Variants in BCL2L13 observed in about 807,000 individuals in gnomAD.
BCL2L13 encodes bcl-2-like protein 13.
In BCL2L13, 13 loss-of-function variants were observed where a neutral mutation model predicts 25.8. That is an observed-to-expected ratio of 0.50 (90% CI 0.33 to 0.80). The LOEUF (loss-of-function observed/expected upper bound fraction) is 0.80, where lower values mean the gene tolerates loss of function less well. Among genes scored for constraint, BCL2L13 ranks in the 30% least tolerant of loss-of-function variants. The pLI, the probability that BCL2L13 is intolerant of heterozygous loss-of-function variation, is 0.02. For missense variants in BCL2L13, 504 were observed against 574.9 expected (o/e 0.88, Z 1.26); for synonymous variants, 244 against 230.3 (o/e 1.06, Z -0.54).
At chr22:17,646,713 TG>T (rs1462837222) in intron 1 of BCL2L13, among the ~76,000 whole-genome samples, 4 of 99,534 alleles carry the variant, frequency 4.0e-5, no homozygotes, top group Non-Finnish European at 7.4e-5. Context: ...TTGAAATATC[TG>T]TCTTTTTTTT....
intron 1 of BCL2L13, among the ~76,000 whole-genome samples, chr22:17,651,444 C>A (rs529852114): frequency 3.7e-4 from 56 of 149,614 alleles, no homozygotes; most frequent in Non-Finnish European, 8.9e-5. Context: ...GTGCAATGAC[C>A]GATCTCAGCT....
chr22:17,727,139 C>T lies in BCL2L13; in HGVS notation c.1063C>T (p.Leu355=), dbSNP rs765836010. 6 of 1,614,112 alleles carry T rather than the reference C, an allele frequency of 3.7e-6. No individual in the cohort carries two copies. The highest frequency in any genetic ancestry group is 3.3e-5 in the Admixed American group (2 of 60,014). ...TCCACATATCACTGCCACCTCCCTG[C>T]TGGGGACAAGGGAACCTGACACAGA... ...LLPHITATSL[L]GTREPDTEVI... The change falls in exon 7 of 7, where the codon CTG becomes TTG. Residue 355 remains leucine, a synonymous_variant. Coordinates refer to ENST00000317582, the MANE Select transcript of BCL2L13 (RefSeq NM_015367.4).
rs2060464882 is a variant in BCL2L13 at position 17,702,398 on chromosome 22, T to TA, written c.600+13dup. 1 of 1,535,482 alleles carries TA rather than the reference T, an allele frequency of 6.5e-7. No homozygotes were observed. ...AGCAAGGTGGCTGGGTATGAGCTGT[T>TA]ATATATTAAAAATATTTTCTTGAAA... On this transcript the variant is annotated intron_variant, in intron 6 of 6. Coordinates refer to ENST00000317582, the MANE Select transcript of BCL2L13 (RefSeq NM_015367.4).
At chr22:17,635,893 TAG>T (rs2058095861), upstream of BCL2L13, among the ~76,000 whole-genome samples, 1 of 151,250 alleles carries the variant, frequency 6.6e-6, no homozygotes, top group Non-Finnish European at 1.5e-5. Context: ...GTATTTTTAG[TAG>T]AGACGGGGTT....
At chr22:17,697,438 C>CA (rs1036003935) in intron 5 of BCL2L13, among the ~76,000 whole-genome samples, 168 of 149,536 alleles carry the variant, frequency 1.1e-3, no homozygotes, top group African/African-American at 3.9e-3. Flanking sequence ...AACTCCGTCT[C>CA]AAAAAAAAAT....
chr22:17,685,016 T>A (rs990931651), intron 3 of BCL2L13, among the ~76,000 whole-genome samples: 1 of 152,110 alleles, frequency 6.6e-6, no homozygotes, highest in Non-Finnish European at 1.5e-5. Context: ...ATTACAGGCA[T>A]GAGCCACCAC....
rs557661808 is a variant in BCL2L13 at position 17,676,220 on chromosome 22, G to A, written c.122-6994G>A. 1.1e-4 allele frequency among the ~76,000 whole-genome samples: 17 copies of A among 152,226 alleles called. No individual in the cohort carries two copies. The South Asian group carries it at 2.3e-3, about 20-fold the overall frequency. ...CTCACGCCTGTAATCCCAGCACTTC[G>A]GGAGGCTGAGGCAGGCGGATCACTT... On this transcript the variant is annotated intron_variant, in intron 2 of 6. Transcript: ENST00000317582.
chr22:17,638,616 G>T (rs1268893203), upstream of BCL2L13: 1 of 1,167,330 alleles, frequency 8.6e-7, no homozygotes, highest in East Asian at 3.2e-5. Context: ...GGAGGGTTTG[G>T]GTCTTCAGGT....
At chr22:17,716,846 G>T (rs1420698805) in intron 6 of BCL2L13, among the ~76,000 whole-genome samples, 2 of 152,172 alleles carry the variant, frequency 1.3e-5, no homozygotes, top group African/African-American at 4.8e-5. Flanking sequence ...TGTAAGAGGT[G>T]CCATATTGTG....
intron 2 of BCL2L13, among the ~76,000 whole-genome samples, chr22:17,673,255 C>G (rs78611006): frequency 0.027 from 4,036 of 152,080 alleles, 180 homozygotes; most frequent in African/African-American, 0.093. Flanking sequence ...GTATCTCCAT[C>G]GTGACTCATC....
At chr22:17,667,339 T>G (rs933227607) in intron 2 of BCL2L13, among the ~76,000 whole-genome samples, 2 of 151,988 alleles carry the variant, frequency 1.3e-5, no homozygotes, top group African/African-American at 4.8e-5. Flanking sequence ...GCCTGGCTAA[T>G]TTTTGTATTT....
intron 1 of BCL2L13, among the ~76,000 whole-genome samples, chr22:17,631,170 C>T (rs1340290460): frequency 6.6e-6 from 1 of 151,176 alleles, no homozygotes; most frequent in Non-Finnish European, 1.5e-5. Context: ...AAACTCGGCT[C>T]ACTGCAACCT....
intron 3 of BCL2L13, 83 bp downstream of exon 3, chr22:17,683,404 G>C: frequency 1.3e-6 from 1 of 780,096 alleles, no homozygotes; most frequent in Admixed American, 2.9e-5. Context: ...TTTTTACAGT[G>C]GGGTATTCTC....
chr22:17,663,910 A>G (rs2059153716), intron 2 of BCL2L13, among the ~76,000 whole-genome samples: 1 of 149,728 alleles, frequency 6.7e-6, no homozygotes, highest in African/African-American at 2.5e-5. Flanking sequence ...GTGCAGTGGC[A>G]CGATCTTGGC....
At chr22:17,664,223 G>A (rs113244890) in intron 2 of BCL2L13, among the ~76,000 whole-genome samples, 8,060 of 152,142 alleles carry the variant, frequency 0.053, 350 homozygotes, top group African/African-American at 0.12. Flanking sequence ...GACCTCAGGT[G>A]ATCCAGCTGC....
At chr22:17,639,013 AG>A (rs2058168890) in intron 1 of BCL2L13, 127 bp downstream of exon 1, 2 of 742,688 alleles carry the variant, frequency 2.7e-6, no homozygotes, top group Non-Finnish European at 3.7e-6. Context: ...CGTGAGTTTG[AG>A]TGTGTGTGTC....
chr22:17,648,480 T>C (rs1320660138), intron 1 of BCL2L13, among the ~76,000 whole-genome samples: 2 of 151,938 alleles, frequency 1.3e-5, no homozygotes, highest in Non-Finnish European at 1.5e-5. Context: ...GGAGGATCAC[T>C]TGGGGCCTGG....
rs1421654545 is a variant in BCL2L13, at chr22:17,726,702, A to G, written c.626A>G (p.Glu209Gly). 2 of 1,613,982 alleles carry G rather than the reference A, an allele frequency of 1.2e-6. No individual in the cohort carries two copies. The highest frequency in any genetic ancestry group is 8.5e-7 in the Non-Finnish European group (1 of 1,179,912). ...GWGTVFSLES[E>G]EEEYPGITAE... ...GGCACTGTGTTTAGTCTTGAGTCAG[A>G]GGAGGAGGAATACCCTGGAATCACT... Residue 209 changes from glutamate to glycine, a missense_variant, in exon 7 of 7, where the codon GAG becomes GGG. Physicochemically the swap from Glu to Gly is moderately conservative, Grantham distance 98. Transcript: ENST00000317582.
chr22:17,657,678 A>AC (rs898483820), intron 2 of BCL2L13, among the ~76,000 whole-genome samples: 2 of 150,740 alleles, frequency 1.3e-5, no homozygotes, highest in Non-Finnish European at 3.0e-5. Flanking sequence ...TGCCTGGCTA[A>AC]CTTTTTTTTT....
Sources: gnomAD v4.1 joint callset for allele counts (sites outside exome capture counted in the v4.1 genomes callset) on GRCh38, gnomAD v4.1.1 for gene constraint, MANE v1.5 for transcripts, NCBI Gene and HGNC (gene_info 2026-07-23, HGNC 2026-07-21) for gene names.